AGMO: variants seen among roughly 807,000 people sequenced by gnomAD.
AGMO encodes glyceryl-ether monooxygenase.
In AGMO, 75 loss-of-function variants were observed where a neutral mutation model predicts 60.2. That is an observed-to-expected ratio of 1.25 (90% CI 1.03 to 1.51). AGMO has a LOEUF of 1.51. Ranked by LOEUF, AGMO falls within the 40% of genes most tolerant of loss-of-function variation. The pLI, the probability that AGMO is intolerant of heterozygous loss-of-function variation, is 0.00. For synonymous variants in AGMO, 261 were observed against 177.1 expected (o/e 1.47, Z -3.76); for missense variants, 763 against 525.5 (o/e 1.45, Z -4.42).
At chr7:15,393,341 C>T (rs1784227499) in intron 6 of AGMO, among the ~76,000 whole-genome samples, 2 of 152,204 alleles carry the variant, frequency 1.3e-5, no homozygotes, top group Admixed American at 1.3e-4. Flanking sequence ...CTTATGTATT[C>T]ATTTTACTGG....
chr7:15,533,508 C>G (rs1784417327), intron 3 of AGMO, among the ~76,000 whole-genome samples: 1 of 152,030 alleles, frequency 6.6e-6, no homozygotes, highest in Admixed American at 6.6e-5. Context: ...CTCAAATATC[C>G]TCTACTCAAC....
At chr7:15,333,010 C>G (rs1781544387) in intron 12 of AGMO, among the ~76,000 whole-genome samples, 1 of 152,064 alleles carries the variant, frequency 6.6e-6, no homozygotes. Context: ...AACAGAAACT[C>G]TTCATAAACT....
chr7:15,296,869 G>A (rs6952948), intron 12 of AGMO, among the ~76,000 whole-genome samples: 119,131 of 152,064 alleles, frequency 0.78, 47,017 homozygotes, highest in African/African-American at 0.88. Flanking sequence ...AGAAGCCAAA[G>A]CTAGTGTTTT....
At chr7:15,513,489 C>T (rs928970838) in intron 3 of AGMO, among the ~76,000 whole-genome samples, 1 of 151,962 alleles carries the variant, frequency 6.6e-6, no homozygotes, top group Non-Finnish European at 1.5e-5. Context: ...GGATTTATAA[C>T]TTTTTGACCC....
intron 12 of AGMO, among the ~76,000 whole-genome samples, chr7:15,321,401 A>C (rs1459536030): frequency 1.3e-5 from 2 of 152,170 alleles, no homozygotes; most frequent in Admixed American, 1.3e-4. Context: ...TTCTTGTACT[A>C]AACAATAGTG....
rs115609312 is a variant in AGMO at position 15,389,877 on chromosome 7, A to T, written c.822+794T>A. Among the ~76,000 whole-genome samples, 378 of 152,282 alleles carry T rather than the reference A, an allele frequency of 2.5e-3. 1 individual carries two copies. Among genetic ancestry groups the T allele is most frequent in the African/African-American group, 8.4e-3 (349 of 41,554 alleles). The stretch of plus-strand genomic sequence containing the variant: ...TAGTAGAAGCTCAATAGATGTTAAC[A>T]ATTTTGTTATTTCAACTTTCAGTGA... On this transcript the variant is annotated intron_variant, in intron 8 of 12. Transcript: ENST00000342526.
chr7:15,279,514 G>C (rs1563067472), intron 12 of AGMO, among the ~76,000 whole-genome samples: 1 of 151,944 alleles, frequency 6.6e-6, no homozygotes. Context: ...ACATGAAACT[G>C]ATTTGTTTTG....
intron 12 of AGMO, among the ~76,000 whole-genome samples, chr7:15,212,536 A>G (rs904833050): frequency 6.6e-6 from 1 of 151,992 alleles, no homozygotes; most frequent in East Asian, 1.9e-4. Context: ...TTGTCATTCA[A>G]TGAAAAAAGA....
intron 5 of AGMO, among the ~76,000 whole-genome samples, chr7:15,418,050 G>GA (rs1297894012): frequency 6.6e-6 from 1 of 151,620 alleles, no homozygotes; most frequent in Non-Finnish European, 1.5e-5. Flanking sequence ...GGTTTTTTTG[G>GA]AAAAAAATTA....
At chr7:15,233,873 CCT>C (rs1306910595) in intron 12 of AGMO, among the ~76,000 whole-genome samples, 2 of 152,086 alleles carry the variant, frequency 1.3e-5, no homozygotes, top group Non-Finnish European at 2.9e-5. Context: ...GTGGTGAAAC[CCT>C]GTCTCTACTA....
At chr7:15,363,947 T>C (rs1360469793) in intron 12 of AGMO, among the ~76,000 whole-genome samples, 1 of 152,070 alleles carries the variant, frequency 6.6e-6, no homozygotes. Context: ...TTTCAGCATG[T>C]ATATTTCTGA....
At chr7:15,146,699 T>G in the AGMO span, among the ~76,000 whole-genome samples, 1 of 152,242 alleles carries the variant, frequency 6.6e-6, no homozygotes, top group Non-Finnish European at 1.5e-5. Flanking sequence ...GAATTTAACC[T>G]TTAAAGTACA....
intron 4 of AGMO, among the ~76,000 whole-genome samples, chr7:15,429,179 G>C (rs1050550490): frequency 2.0e-5 from 3 of 151,982 alleles, no homozygotes; most frequent in Admixed American, 2.0e-4. Flanking sequence ...GCTTAGAAGT[G>C]TTTCTTCAAT....
intron 10 of AGMO, among the ~76,000 whole-genome samples, chr7:15,381,031 G>A (rs190548662): frequency 3.3e-5 from 5 of 150,962 alleles, no homozygotes; most frequent in African/African-American, 1.2e-4. Context: ...CAAAAACTCA[G>A]CATAGATTAA....
intron 5 of AGMO, among the ~76,000 whole-genome samples, chr7:15,413,608 G>T (rs2128492984): frequency 6.6e-6 from 1 of 152,048 alleles, no homozygotes; most frequent in South Asian, 2.1e-4. Context: ...ATATAATAAT[G>T]ATATGAAAAT....
chr7:15,457,995 A>G (rs1037085649), intron 3 of AGMO, among the ~76,000 whole-genome samples: 5 of 152,212 alleles, frequency 3.3e-5, no homozygotes, highest in Admixed American at 3.3e-4. Flanking sequence ...CTAGGAAGCA[A>G]AAAAGAGATT....
At chr7:15,415,001 G>C (rs1417769361) in intron 5 of AGMO, among the ~76,000 whole-genome samples, 1 of 152,040 alleles carries the variant, frequency 6.6e-6, no homozygotes, top group Non-Finnish European at 1.5e-5. Context: ...GAATATCACA[G>C]AATAATGGTA....
At chr7:15,208,240 T>C (rs1372389925) in intron 12 of AGMO, among the ~76,000 whole-genome samples, 4 of 152,142 alleles carry the variant, frequency 2.6e-5, no homozygotes, top group Non-Finnish European at 4.4e-5. Context: ...TAAGGATACA[T>C]AGAGAGAGGG....
intron 3 of AGMO, among the ~76,000 whole-genome samples, chr7:15,538,701 T>G (rs2115268128): frequency 6.6e-6 from 1 of 152,282 alleles, no homozygotes; most frequent in African/African-American, 2.4e-5. Flanking sequence ...CAAATTAAAA[T>G]AATTTCTCAG....
Sources: allele counts gnomAD v4.1 joint callset (sites outside exome capture counted in the v4.1 genomes callset), GRCh38; gene constraint gnomAD v4.1.1; transcripts MANE v1.5; gene names NCBI Gene and HGNC (gene_info 2026-07-23, HGNC 2026-07-21).